The following MITF variants were observed in gnomAD, a reference collection of about 807,000 sequenced individuals.
The protein encoded by MITF is melanocyte inducing transcription factor.
MITF carries 17 observed loss-of-function variants against 60.5 expected under a neutral mutation model. The ratio of observed to expected loss-of-function variants is 0.28; its 90% CI spans 0.19 to 0.42. MITF has a LOEUF of 0.42. Ranked by LOEUF, MITF falls within the 10% of genes least tolerant of loss-of-function variation. The pLI, the probability that MITF is intolerant of heterozygous loss-of-function variation, is 1.00. For synonymous variants in MITF, 260 were observed against 248.5 expected (o/e 1.05, Z -0.43); for missense variants, 622 against 683.5 (o/e 0.91, Z 1.00).
chr3:69,778,349 G>A (rs1322714008), intron 1 of MITF, among the ~76,000 whole-genome samples: 1 of 152,162 alleles, frequency 6.6e-6, no homozygotes, highest in African/African-American at 2.4e-5. Context: ...GAACGAGTCT[G>A]GTTCTTGGGG....
chr3:69,939,105 A>G lies in MITF; in HGVS notation c.590A>G (p.Tyr197Cys), dbSNP rs763827931. Reference protein sequence around the residue: ...LNSNCEKEGFYKFEEQNRAES... With the variant: ...LNSNCEKEGFCKFEEQNRAES... ...TTGCTTGTGTTTTTGCAGGGATTTTATAAGTTTGAAGAGCAAAACAGGGCA... is the reference window on the plus strand; with the variant it reads ...TTGCTTGTGTTTTTGCAGGGATTTTGTAAGTTTGAAGAGCAAAACAGGGCA... The change falls in exon 4 of 10, where the codon TAT becomes TGT. Residue 197 changes from tyrosine (Y) to cysteine (C), a missense_variant. Tyr to Cys is a radical substitution (Grantham distance 194, BLOSUM62 -2). This residue lies in a region of MITF where 215 missense variants were observed against 224.8 expected (regional missense o/e 0.96). Transcript: ENST00000352241. The G allele has an allele frequency of 7.4e-6, 12 of 1,613,890 alleles. No individual in the cohort carries two copies. The highest frequency in any genetic ancestry group is 1.0e-5 in the Non-Finnish European group (12 of 1,179,988).
intron 1 of MITF, among the ~76,000 whole-genome samples, chr3:69,828,831 A>G (rs763973192): frequency 6.6e-6 from 1 of 152,078 alleles, no homozygotes; most frequent in East Asian, 1.9e-4. Context: ...TTATTCCTTG[A>G]TGGTTTATAT....
At chr3:69,926,673 G>T (rs994112609) in intron 2 of MITF, among the ~76,000 whole-genome samples, 7 of 152,106 alleles carry the variant, frequency 4.6e-5, no homozygotes, top group Non-Finnish European at 8.8e-5. Flanking sequence ...TGGTGGGGGG[G>T]ATCTGGACGG....
chr3:69,930,193 C>T (rs2065686475), intron 2 of MITF, among the ~76,000 whole-genome samples: 1 of 152,010 alleles, frequency 6.6e-6, no homozygotes, highest in East Asian at 1.9e-4. Flanking sequence ...TCTCAGAGAC[C>T]TCTGTTCTGG....
chr3:69,775,210 A>G (rs1465452835), intron 1 of MITF, among the ~76,000 whole-genome samples: 1 of 152,158 alleles, frequency 6.6e-6, no homozygotes, highest in Non-Finnish European at 1.5e-5. Flanking sequence ...TCCCTACTCC[A>G]AAGGGCCAAG....
intron 3 of MITF, 174 bp from the exon 4 acceptor site, chr3:69,938,924 A>G: frequency 6.7e-7 from 1 of 1,492,642 alleles, no homozygotes; most frequent in Non-Finnish European, 8.9e-7. Context: ...TTTGTCATCT[A>G]GCAAGATGAT....
intron 1 of MITF, among the ~76,000 whole-genome samples, chr3:69,848,717 T>A (rs186755065): frequency 6.6e-6 from 1 of 152,234 alleles, no homozygotes; most frequent in African/African-American, 2.4e-5. Context: ...GACAATCATG[T>A]CACATCTGCT....
intron 1 of MITF, among the ~76,000 whole-genome samples, chr3:69,774,717 T>C (rs1389710728): frequency 6.6e-6 from 1 of 152,068 alleles, no homozygotes; most frequent in Non-Finnish European, 1.5e-5. Context: ...TCCCTGTGTA[T>C]GTTGGGGTGT....
Position 69,895,690 on chromosome 3 carries a change from G to A in MITF, c.354+16307G>A, listed in dbSNP as rs576559420. Among the ~76,000 whole-genome samples, 294 of 152,102 alleles carry A rather than the reference G, an allele frequency of 1.9e-3. 2 individuals are homozygous for A. Among genetic ancestry groups the A allele is most frequent in the Non-Finnish European group, 2.9e-3 (199 of 67,986 alleles). On this transcript the variant is annotated intron_variant, in intron 2 of 9. Transcript: ENST00000352241. ...TTTTATGTTCAGTCAGTGGGTATAG[G>A]ACAGGTGAAGGGGGATTTACAATGT...
In MITF at chr3:69,746,954, A is replaced by T. The variant is rs1478025454; in HGVS notation, c.104+7253A>T. ...CCCATTTCTACAATGTGGCTTTCTT[A>T]TTTCTTCGCTTCGTCTTTCCCTCCT... On this transcript the variant is annotated intron_variant, in intron 1 of 9. Transcript: ENST00000352241. Among the ~76,000 whole-genome samples the T allele has an allele frequency of 2.0e-5, 3 of 152,058 alleles. No individual in the cohort carries two copies. In the East Asian group the frequency reaches 5.8e-4, roughly 29 times the overall value.
chr3:69,925,567 C>A (rs73838675), intron 2 of MITF, among the ~76,000 whole-genome samples: 2 of 152,176 alleles, frequency 1.3e-5, no homozygotes, highest in Admixed American at 6.5e-5. Flanking sequence ...CATGTTGATT[C>A]TCTTTATTAA....
intron 2 of MITF, among the ~76,000 whole-genome samples, chr3:69,908,047 T>A (rs1001012904): frequency 6.6e-6 from 1 of 152,230 alleles, no homozygotes; most frequent in Non-Finnish European, 1.5e-5. Flanking sequence ...TTTTGTTTTA[T>A]TTTTCCCTAA....
At chr3:69,898,192 C>G (rs1039701477) in intron 2 of MITF, among the ~76,000 whole-genome samples, 4 of 152,158 alleles carry the variant, frequency 2.6e-5, no homozygotes, top group African/African-American at 7.2e-5. Flanking sequence ...GAAGTCTTTC[C>G]CCTGTTCACC....
chr3:69,896,398 T>TA (rs1300864985), intron 2 of MITF, among the ~76,000 whole-genome samples: 1 of 152,108 alleles, frequency 6.6e-6, no homozygotes, highest in Non-Finnish European at 1.5e-5. Context: ...TGGGATCAGA[T>TA]TTTAATTTTT....
chr3:69,904,372 C>T (rs1303690197), intron 2 of MITF, among the ~76,000 whole-genome samples: 1 of 152,096 alleles, frequency 6.6e-6, no homozygotes, highest in African/African-American at 2.4e-5. Context: ...TGTGAATTTG[C>T]CCATACCAGG....
At chr3:69,961,597 G>A (rs549184355) in intron 9 of MITF, among the ~76,000 whole-genome samples, 1 of 151,720 alleles carries the variant, frequency 6.6e-6, no homozygotes, top group Non-Finnish European at 1.5e-5. Flanking sequence ...AGCTGGGCAT[G>A]GTGGTGGATG....
At chr3:69,910,158 G>A (rs2065192214) in intron 2 of MITF, among the ~76,000 whole-genome samples, 1 of 152,220 alleles carries the variant, frequency 6.6e-6, no homozygotes, top group Non-Finnish European at 1.5e-5. Flanking sequence ...GGCCAACATA[G>A]AGCTTGGGCT....
chr3:69,907,988 A>G (rs2065137849), intron 2 of MITF, among the ~76,000 whole-genome samples: 1 of 152,244 alleles, frequency 6.6e-6, no homozygotes, highest in Admixed American at 6.5e-5. Context: ...TTTCATTTCA[A>G]GAATGAGGGA....
intron 2 of MITF, among the ~76,000 whole-genome samples, chr3:69,914,749 A>C (rs1575951595): frequency 6.6e-6 from 1 of 152,126 alleles, no homozygotes; most frequent in East Asian, 1.9e-4. Context: ...TGGTTGTTAA[A>C]ATAGGAGATT....
Sources: gnomAD v4.1 joint callset for allele counts (sites outside exome capture counted in the v4.1 genomes callset) on GRCh38, gnomAD v4.1.1 for gene constraint, gnomAD v4.1.1 regional missense constraint, MANE v1.5 for transcripts, NCBI Gene and HGNC (gene_info 2026-07-23, HGNC 2026-07-21) for gene names.